LTBP3: variants seen among roughly 807,000 people sequenced by gnomAD.
The protein encoded by LTBP3 is latent-transforming growth factor beta-binding protein 3.
A neutral mutation model predicts 159.7 loss-of-function variants in LTBP3; 97 were observed. The observed-to-expected ratio is 0.61, with a 90% CI of 0.52 to 0.72. The LOEUF (loss-of-function observed/expected upper bound fraction) is 0.72, where lower values mean the gene tolerates loss of function less well. Among genes scored for constraint, LTBP3 ranks in the 30% least tolerant of loss-of-function variants. The probability of loss-of-function intolerance (pLI) is 0.00; values close to 1 mark genes in which losing one functional copy is unlikely to be tolerated. For missense variants in LTBP3, 1,584 were observed against 1,864.3 expected (o/e 0.85, Z 2.77); for synonymous variants, 824 against 777.1 (o/e 1.06, Z -1.00).
intron 1 of LTBP3, among the ~76,000 whole-genome samples, chr11:65,556,683 C>T (rs1392412681): frequency 6.6e-6 from 1 of 152,242 alleles, no homozygotes; most frequent in African/African-American, 2.4e-5. Flanking sequence ...GACACACGCA[C>T]GCACACCCCA....
In LTBP3 at chr11:65,558,054, G is replaced by A. The variant is rs1856875616; in HGVS notation, c.-95C>T. The A allele has an allele frequency of 9.4e-7, 1 of 1,069,204 alleles. No individual in the cohort carries two copies. The highest frequency in any genetic ancestry group is 5.4e-5 in the Admixed American group (1 of 18,468). The allele number at this position is 1,069,204 out of a possible 1,614,324, so 66.2% of individuals were successfully genotyped here. A position where few individuals can be genotyped will look rare whatever the true frequency, so the allele number is the denominator to read the frequency against. On this transcript the variant is annotated 5_prime_UTR_variant, in exon 1 of 28. Coordinates refer to ENST00000301873, the MANE Select transcript of LTBP3 (RefSeq NM_001130144.3). ...TAGAGGGCCGGGAGCCCCGGGAGAG[G>A]GTAGGGGGCAGCGAGGGAGGGCAGC...
In LTBP3 at chr11:65,538,998, A is replaced by C. The variant is rs1275200110; in HGVS notation, c.*82T>G. Reference sequence around the variant, plus strand: ...CTGAAGGTCCCTGGGTCCGAGCCACAAGTCGGGGCAGAAGTGAGGCCGAGC... The same window carrying C: ...CTGAAGGTCCCTGGGTCCGAGCCACCAGTCGGGGCAGAAGTGAGGCCGAGC... On this transcript the variant is annotated 3_prime_UTR_variant, in exon 28 of 28. Transcript: ENST00000301873. 7.6e-7 allele frequency: 1 copy of C among 1,313,910 alleles called. No homozygotes were observed. Among genetic ancestry groups the C allele is most frequent in the African/African-American group, 1.6e-5 (1 of 63,910 alleles). 81.4% of individuals were successfully genotyped at this position (1,313,910 alleles called of 1,614,324 possible). A position where few individuals can be genotyped will look rare whatever the true frequency, so the allele number is the denominator to read the frequency against.
At position 65,540,052 on chromosome 11, in the gene LTBP3, G is replaced by A. The variant is rs1348991706; in HGVS notation, c.3346C>T (p.Pro1116Ser). ...GGGAGCTGGCAATCGCGGCCGGAGGGCCCGGGCACCCAGGGCGGGCGACAC... is the reference window on the plus strand; with the variant it reads ...GGGAGCTGGCAATCGCGGCCGGAGGACCCGGGCACCCAGGGCGGGCGACAC... ...CECRPPWVPG[P>S]SGRDCQLPES... is the part of the protein sequence containing the mutation. The change falls in exon 24 of 28, where the codon CCC (proline) becomes TCC (serine). Residue 1116 changes from proline (P) to serine (S), a missense_variant. Coordinates refer to ENST00000301873, the MANE Select transcript of LTBP3 (RefSeq NM_001130144.3). 6 of 1,520,150 alleles carry A rather than the reference G, an allele frequency of 3.9e-6. No homozygotes were observed. Among genetic ancestry groups the A allele is most frequent in the Admixed American group, 2.0e-5 (1 of 49,762 alleles). The allele number at this position is 1,520,150 out of a possible 1,614,324, so 94.2% of individuals were successfully genotyped here.
At chr11:65,555,407 C>A (rs1051619756) in intron 1 of LTBP3, among the ~76,000 whole-genome samples, 3 of 151,912 alleles carry the variant, frequency 2.0e-5, no homozygotes, top group African/African-American at 4.9e-5. Context: ...CACAACAGGG[C>A]CCCAGGTCCC....
Position 65,540,001 on chromosome 11 carries a change from C to A in LTBP3, c.3385+12G>T. The A allele has an allele frequency of 6.7e-7, 1 of 1,489,958 alleles. No individual in the cohort carries two copies. The highest frequency in any genetic ancestry group is 8.9e-7 in the Non-Finnish European group (1 of 1,126,018). 92.3% of individuals were successfully genotyped at this position (1,489,958 alleles called of 1,614,324 possible). The stretch of plus-strand genomic sequence containing the variant: ...GGCCCCGGGATCGGCCAAGGCCAAC[C>A]CTCGCCCTCACCGGCCGGGCTCTCG... On this transcript the variant is annotated intron_variant, in intron 24 of 27. Transcript: ENST00000301873.
Position 65,547,829 on chromosome 11 carries a change from G to A in LTBP3, c.1847-8C>T. ...CCTCGCACTCGTTCACATCTGAGAA[G>A]AACGGGTAGGCCAAGAAAAGTCAAA... On this transcript the variant is annotated splice_polypyrimidine_tract_variant and splice_region_variant and intron_variant, in intron 12 of 27. Transcript: ENST00000301873. The surrounding 1 kb of genome is among the most constrained non-coding windows in gnomAD (Gnocchi z 4.6). 6.2e-7 allele frequency: 1 copy of A among 1,613,344 alleles called. No individual in the cohort carries two copies.
At position 65,540,527 on chromosome 11, in the gene LTBP3, T is replaced by C; in HGVS notation, c.3065A>G (p.Lys1022Arg). 6.2e-7 allele frequency: 1 copy of C among 1,613,858 alleles called. No homozygotes were observed. The highest frequency in any genetic ancestry group is 1.1e-5 in the South Asian group (1 of 91,092). The change falls in exon 22 of 28, where the codon AAG becomes AGG. Residue 1022 changes from lysine to arginine, a missense_variant. Physicochemically the swap from Lys to Arg is conservative, Grantham distance 26 (BLOSUM62 2). Around this residue, in one of 6 missense-constraint regions of LTBP3, gnomAD observed 514 missense variants for 530.3 expected, o/e 0.97. Coordinates refer to ENST00000301873, the MANE Select transcript of LTBP3 (RefSeq NM_001130144.3). ...NTQPGYECYC[K>R]QGFYYDGNLL... ...GTTCCCGTCGTAGTAGAAGCCCTGCTTGCAGTAGCACTCGTAGCCAGGCTG... is the reference window on the plus strand; with the variant it reads ...GTTCCCGTCGTAGTAGAAGCCCTGCCTGCAGTAGCACTCGTAGCCAGGCTG...
At chr11:65,542,946 ATGG>A in intron 18 of LTBP3, 156 bp downstream of exon 18, 1 of 869,110 alleles carries the variant, frequency 1.2e-6, no homozygotes. Context: ...GGATGGATGG[ATGG>A]ATGGATGGAT....
chr11:65,557,597 C>G (rs367630026), intron 1 of LTBP3, 32 bp downstream of exon 1: 122 of 1,604,722 alleles, frequency 7.6e-5, no homozygotes, highest in Non-Finnish European at 9.9e-5. Context: ...GCCTGTCCTT[C>G]CCCTGCCCCC....
chr11:65,556,770 GA>G (rs1856826596), intron 1 of LTBP3, among the ~76,000 whole-genome samples: 1 of 152,216 alleles, frequency 6.6e-6, no homozygotes, highest in Non-Finnish European at 1.5e-5. Flanking sequence ...GAATGTGTAA[GA>G]GGGGCTGTTT....
Position 65,557,829 on chromosome 11 carries a change from C to A in LTBP3, c.131G>T (p.Gly44Val), listed in dbSNP as rs1261373070. ...GCCTGCGCCCCGCTCGCCGGCCGGC[C>A]CCCCCTCGACCCTGCCGCCCAGGCC... ...LLGLGGRVEG[G>V]PAGERGAGGG... The change falls in exon 1 of 28, where the codon GGG becomes GTG. Residue 44 changes from glycine to valine, a missense_variant. Physicochemically the swap from Gly to Val is moderately radical, Grantham distance 109. This residue lies in a region of LTBP3 where 79 missense variants were observed against 64.7 expected (regional missense o/e 1.22). Coordinates refer to ENST00000301873, the MANE Select transcript of LTBP3 (RefSeq NM_001130144.3). 4.3e-6 allele frequency: 6 copies of A among 1,406,822 alleles called. No individual in the cohort carries two copies. Among genetic ancestry groups the A allele is most frequent in the Admixed American group, 3.1e-5 (1 of 31,768 alleles). The allele number at this position is 1,406,822 out of a possible 1,614,324, so 87.1% of individuals were successfully genotyped here. A position where few individuals can be genotyped will look rare whatever the true frequency, so the allele number is the denominator to read the frequency against.
At chr11:65,543,368 G>T in intron 17 of LTBP3, 59 bp downstream of exon 17, 3 of 1,612,358 alleles carry the variant, frequency 1.9e-6, no homozygotes, top group Non-Finnish European at 2.5e-6. Context: ...GGACCCTGGG[G>T]GGTGGGGGTC....
chr11:65,539,727 G>A lies in LTBP3; in HGVS notation c.3540C>T (p.Arg1180=), dbSNP rs1311103569. ...CCTCCCCGACTGCCTTACCCGCGCC[G>A]CGCGGCGGGCACGGTCGGCATTGGG... ...WGAQCRPCPP[R]GAGSHCPTSQ... is the part of the protein sequence containing the mutation. Residue 1180 remains arginine, a synonymous_variant, in exon 25 of 28, where the codon CGC becomes CGT. Coordinates refer to ENST00000301873, the MANE Select transcript of LTBP3 (RefSeq NM_001130144.3). 8 of 1,548,504 alleles carry A rather than the reference G, an allele frequency of 5.2e-6. No homozygotes were observed. The highest frequency in any genetic ancestry group is 2.4e-5 in the East Asian group (1 of 41,702).
chr11:65,555,908 T>G (rs1467599797), intron 1 of LTBP3, among the ~76,000 whole-genome samples: 1 of 152,024 alleles, frequency 6.6e-6, no homozygotes, highest in Non-Finnish European at 1.5e-5. Context: ...GCTAAGCACA[T>G]CCCAGCCCAG....
Position 65,553,737 on chromosome 11 carries a change from C to A in LTBP3, c.828G>T (p.Leu276=). The A allele has an allele frequency of 6.3e-7, 1 of 1,579,576 alleles. No individual in the cohort carries two copies. Among genetic ancestry groups the A allele is most frequent in the East Asian group, 2.3e-5 (1 of 44,000 alleles). The change falls in exon 3 of 28, where the codon CTG becomes CTT. Residue 276 remains leucine (L), a synonymous_variant. Coordinates refer to ENST00000301873, the MANE Select transcript of LTBP3 (RefSeq NM_001130144.3). The surrounding 1 kb of genome is among the most constrained non-coding windows in gnomAD (Gnocchi z 6.5). The part of the protein sequence containing the change: ...SHPRPPTQKP[L]GRCFQDTLPK... ...GCAGAGTGTCCTGAAAGCAGCGGCC[C>A]AGGGGCTTCTGGGTGGGCGGCCGGG...
chr11:65,539,221 C>A lies in LTBP3; in HGVS notation c.3771G>T (p.Glu1257Asp). ...GCCCGCGCTGGTTCAGCTCTCGGCA[C>A]TCGTCGATATCTGAAGGTGAGGGCG... ...ASRARCVDID[E>D]CRELNQRGLL... Residue 1257 changes from glutamate to aspartate, a missense_variant, in exon 28 of 28, where the codon GAG becomes GAT. Physicochemically the swap from Glu to Asp is conservative, Grantham distance 45. Coordinates refer to ENST00000301873, the MANE Select transcript of LTBP3 (RefSeq NM_001130144.3). 2 of 1,526,886 alleles carry A rather than the reference C, an allele frequency of 1.3e-6. No individual in the cohort carries two copies. Among genetic ancestry groups the A allele is most frequent in the Non-Finnish European group, 1.8e-6 (2 of 1,133,188 alleles). The allele number at this position is 1,526,886 out of a possible 1,614,324, so 94.6% of individuals were successfully genotyped here.
At chr11:65,540,729 G>A (rs1856087662) in intron 21 of LTBP3, 115 bp from the exon 22 acceptor site, 2 of 1,520,662 alleles carry the variant, frequency 1.3e-6, no homozygotes, top group Middle Eastern at 1.7e-4. Context: ...GAGGGGCGGG[G>A]CCTACAGGGC....
At position 65,557,744 on chromosome 11, in the gene LTBP3, C is replaced by T. The variant is rs949412529; in HGVS notation, c.216G>A (p.Lys72=). Residue 72 remains lysine, a synonymous_variant, in exon 1 of 28, where the codon AAG becomes AAA. Transcript: ENST00000301873. ...FKVVFAPVIC[K]RTCLKGQCRD... is the part of the protein sequence containing the mutation. ...GACACTGGCCCTTGAGACAGGTCCG[C>T]TTGCAGATCACCGGCGCAAAGACCA... 1 of 1,606,234 alleles carries T rather than the reference C, an allele frequency of 6.2e-7. No homozygotes were observed. The highest frequency in any genetic ancestry group is 8.5e-7 in the Non-Finnish European group (1 of 1,179,816).
intron 18 of LTBP3, 165 bp from the exon 19 acceptor site, chr11:65,541,893 C>T: frequency 1.3e-6 from 1 of 755,720 alleles, no homozygotes; most frequent in Non-Finnish European, 2.2e-6. Flanking sequence ...TGCATGTGGA[C>T]ATTAGCTGCT....
Sources: gnomAD v4.1 joint callset for allele counts (sites outside exome capture counted in the v4.1 genomes callset) on GRCh38, gnomAD v4.1.1 for gene constraint, gnomAD v4.1.1 regional missense constraint, Gnocchi (gnomAD v3.1) non-coding constraint, MANE v1.5 for transcripts, NCBI Gene and HGNC (gene_info 2026-07-23, HGNC 2026-07-21) for gene names.